The following PRKCH variants were observed in gnomAD, a reference collection of about 807,000 sequenced individuals.
The protein encoded by PRKCH is protein kinase C eta, also known as protein kinase C eta type.
A neutral mutation model predicts 82.5 loss-of-function variants in PRKCH; 28 were observed. The ratio of observed to expected loss-of-function variants is 0.34; its 90% CI spans 0.25 to 0.47. PRKCH has a LOEUF of 0.47. PRKCH is among the 20% of genes least tolerant of loss of function. The pLI is 1.00. For missense variants in PRKCH, 705 were observed against 881.8 expected (o/e 0.80, Z 2.54); for synonymous variants, 322 against 327.4 (o/e 0.98, Z 0.18).
At chr14:61,230,879 G>A (rs2044737767) in intron 1 of PRKCH, among the ~76,000 whole-genome samples, 1 of 152,238 alleles carries the variant, frequency 6.6e-6, no homozygotes, top group African/African-American at 2.4e-5. Context: ...GAATTACTTA[G>A]TATGGTTGAT....
intron 2 of PRKCH, among the ~76,000 whole-genome samples, chr14:61,418,914 T>C (rs540322658): frequency 3.8e-4 from 58 of 152,330 alleles, no homozygotes; most frequent in African/African-American, 1.3e-3. Flanking sequence ...GCCTGACTGA[T>C]GGCGAGTTGA....
At chr14:61,351,086 A>C (rs1446383951) in intron 1 of PRKCH, among the ~76,000 whole-genome samples, 1 of 152,206 alleles carries the variant, frequency 6.6e-6, no homozygotes, top group East Asian at 1.9e-4. Context: ...ATTTCATATA[A>C]CGTTAAGTAG....
chr14:61,322,052 TCCCGCTGCGAAGCAGCG>T lies in PRKCH; in HGVS notation c.-48_-32del. On this transcript the variant is annotated 5_prime_UTR_variant, in exon 1 of 14. Transcript: ENST00000332981. ...TGGCCTGAGACGGGACTCCCGGTTC[TCCCGCTGCGAAGCAGCG>T]CGGCCCCCCGGGGCCGGGGCAGCGG... 8.2e-6 allele frequency: 12 copies of T among 1,471,982 alleles called. No individual in the cohort carries two copies. Among genetic ancestry groups the T allele is most frequent in the Non-Finnish European group, 1.1e-5 (12 of 1,103,182 alleles). The allele number at this position is 1,471,982 out of a possible 1,614,324, so 91.2% of individuals were successfully genotyped here. A position where few individuals can be genotyped will look rare whatever the true frequency, so the allele number is the denominator to read the frequency against.
intron 1 of PRKCH, among the ~76,000 whole-genome samples, chr14:61,204,215 AACTT>A (rs2044505126): frequency 6.6e-6 from 1 of 152,096 alleles, no homozygotes; most frequent in Non-Finnish European, 1.5e-5. Context: ...TAAAACTAAT[AACTT>A]ACTTGTATTA....
intron 10 of PRKCH, among the ~76,000 whole-genome samples, chr14:61,503,002 T>A (rs1355093276): frequency 7.6e-4 from 1 of 1,310 alleles, no homozygotes; most frequent in African/African-American, 1.4e-3. Flanking sequence ...GGAAGCAGGC[T>A]TTTTTTTTTT....
intron 1 of PRKCH, among the ~76,000 whole-genome samples, chr14:61,235,809 T>G (rs987779340): frequency 6.6e-6 from 1 of 152,190 alleles, no homozygotes; most frequent in East Asian, 1.9e-4. Flanking sequence ...CAGATGACTC[T>G]GGGGCTGCCA....
At chr14:61,325,069 G>C (rs1230868769) in intron 1 of PRKCH, among the ~76,000 whole-genome samples, 1 of 152,210 alleles carries the variant, frequency 6.6e-6, no homozygotes, top group Non-Finnish European at 1.5e-5. Context: ...AATAGGTTCA[G>C]TATAATCTCA....
At chr14:61,401,845 G>A (rs1180231911) in intron 2 of PRKCH, among the ~76,000 whole-genome samples, 3 of 152,192 alleles carry the variant, frequency 2.0e-5, no homozygotes, top group Non-Finnish European at 4.4e-5. Flanking sequence ...TGTTAGCTGA[G>A]CTAGCCACTT....
intron 1 of PRKCH, among the ~76,000 whole-genome samples, chr14:61,229,678 T>C (rs2044725156): frequency 6.6e-6 from 1 of 152,108 alleles, no homozygotes; most frequent in South Asian, 2.1e-4. Flanking sequence ...TTTTCCAGAG[T>C]GAGAGGCTCT....
At chr14:61,477,469 T>A (rs761624437) in intron 9 of PRKCH, among the ~76,000 whole-genome samples, 18 of 152,200 alleles carry the variant, frequency 1.2e-4, no homozygotes, top group Admixed American at 2.0e-4. Flanking sequence ...GATTTTTTCT[T>A]TAAATGGAGA....
chr14:61,547,117 G>A (rs1053049589), intron 12 of PRKCH, among the ~76,000 whole-genome samples: 2 of 152,202 alleles, frequency 1.3e-5, no homozygotes, highest in African/African-American at 2.4e-5. Flanking sequence ...AACAGCAGTG[G>A]TGGGGGGAAC....
At chr14:61,532,931 G>A (rs921987112) in intron 12 of PRKCH, among the ~76,000 whole-genome samples, 6 of 152,162 alleles carry the variant, frequency 3.9e-5, no homozygotes, top group Non-Finnish European at 7.3e-5. Context: ...CAGCAGCTGC[G>A]ATTGTTACAT....
intron 10 of PRKCH, among the ~76,000 whole-genome samples, chr14:61,487,830 C>CAAA (rs33953676): frequency 2.8e-4 from 40 of 141,562 alleles, no homozygotes; most frequent in Middle Eastern, 3.7e-3. Context: ...CCTATCTCTA[C>CAAA]AAAAAAAAAA....
chr14:61,482,929 G>T (rs1372210350), intron 9 of PRKCH, among the ~76,000 whole-genome samples: 1 of 152,230 alleles, frequency 6.6e-6, no homozygotes, highest in Non-Finnish European at 1.5e-5. Context: ...CTCTTGCCAA[G>T]TGCGCCACTT....
At chr14:61,192,661 C>A (rs2044413990) in intron 1 of PRKCH, among the ~76,000 whole-genome samples, 1 of 152,178 alleles carries the variant, frequency 6.6e-6, no homozygotes, top group Non-Finnish European at 1.5e-5. Context: ...AGCAGCAGAG[C>A]TTTCTGACCT....
intron 10 of PRKCH, among the ~76,000 whole-genome samples, chr14:61,493,410 T>A (rs1886538403): frequency 6.6e-6 from 1 of 152,084 alleles, no homozygotes; most frequent in Admixed American, 6.6e-5. Flanking sequence ...CCAAACTGAG[T>A]CAGCTCCCTT....
chr14:61,414,274 CTTT>C (rs151041093), intron 2 of PRKCH, among the ~76,000 whole-genome samples: 4 of 141,106 alleles, frequency 2.8e-5, no homozygotes, highest in Admixed American at 7.1e-5. Context: ...TTCATTTAAT[CTTT>C]TTTTTTTTTT....
intron 2 of PRKCH, among the ~76,000 whole-genome samples, chr14:61,392,872 T>G (rs940268057): frequency 2.6e-5 from 4 of 152,004 alleles, no homozygotes; most frequent in African/African-American, 9.7e-5. Flanking sequence ...GCAAATAGTT[T>G]TAGGTTTTAT....
Position 61,530,487 on chromosome 14 carries a change from C to T in PRKCH, c.1653C>T (p.His551=), listed in dbSNP as rs758220032. 20 of 1,612,332 alleles carry T rather than the reference C, an allele frequency of 1.2e-5. No homozygotes were observed. The highest frequency in any genetic ancestry group is 5.0e-5 in the Admixed American group (3 of 59,730). The stretch of plus-strand genomic sequence containing the variant: ...TGCTCTATGAGATGCTCTGTGGTCA[C>T]GCGCCTTTTGAGGCAGAGAACGAAG... ...GVLLYEMLCG[H]APFEAENEDD... is the part of the protein sequence containing the mutation. The change falls in exon 12 of 14, where the codon CAC becomes CAT. Residue 551 remains histidine, a synonymous_variant. Transcript: ENST00000332981.
Sources: allele counts gnomAD v4.1 joint callset (sites outside exome capture counted in the v4.1 genomes callset), GRCh38; gene constraint gnomAD v4.1.1; transcripts MANE v1.5; gene names NCBI Gene and HGNC (gene_info 2026-07-23, HGNC 2026-07-21).